Variants in PRMT1 observed in about 807,000 individuals in gnomAD.
PRMT1 encodes the protein protein arginine N-methyltransferase 1.
A neutral mutation model predicts 47.4 loss-of-function variants in PRMT1; 5 were observed. The ratio of observed to expected loss-of-function variants is 0.11; its 90% CI spans 0.06 to 0.22. PRMT1 has a LOEUF of 0.22. Among genes scored for constraint, PRMT1 ranks in the 10% least tolerant of loss-of-function variants. The probability of loss-of-function intolerance (pLI) is 1.00; values close to 1 mark genes in which losing one functional copy is unlikely to be tolerated. For missense variants in PRMT1, 249 were observed against 518.4 expected, an observed-to-expected ratio of 0.48 and a Z score of 5.05; for synonymous variants, 227 against 204.6, an observed-to-expected ratio of 1.11 and a Z score of -0.94.
At chr19:49,686,559 G>T (rs774111829) in intron 9 of PRMT1, 46 bp from the exon 10 acceptor site, 5 of 1,556,790 alleles carry the variant, frequency 3.2e-6, no homozygotes, top group Non-Finnish European at 3.5e-6. Flanking sequence ...GGGTGGGGTT[G>T]GGGGGGGCAG....
rs1208322725 is a variant in PRMT1, at chr19:49,684,867, G to T, written c.643+26G>T. ...GTGAGCGCGGCCCGGGAGCTGGCGG[G>T]CGGGGCCTCGGGTGGGCTGCTGCGG... On this transcript the variant is annotated intron_variant, in intron 7 of 10. Transcript: ENST00000454376. The surrounding 1 kb of genome is among the most constrained non-coding windows in gnomAD (Gnocchi z 6.2). 6.2e-6 allele frequency: 10 copies of T among 1,611,238 alleles called. No homozygotes were observed. The highest frequency in any genetic ancestry group is 8.5e-6 in the Non-Finnish European group (10 of 1,178,344).
Position 49,686,213 on chromosome 19 carries a change from C to G in PRMT1, c.880C>G (p.Arg294Gly). 2 of 1,610,126 alleles carry G rather than the reference C, an allele frequency of 1.2e-6. No individual in the cohort carries two copies. The highest frequency in any genetic ancestry group is 1.7e-6 in the Non-Finnish European group (2 of 1,178,184). The change falls in exon 9 of 11, where the codon CGC (arginine) becomes GGC (glycine). Residue 294 changes from arginine (R) to glycine (G), a missense_variant. Arg to Gly is a moderately radical substitution (Grantham distance 125, BLOSUM62 -2). This residue lies in a region of PRMT1 where 190 missense variants were observed against 456.7 expected (regional missense o/e 0.42). Transcript: ENST00000454376. ...GGCCTACTTCAACATCGAGTTCACA[C>G]GCTGCCACAAGAGGACCGGCTTCTC... ...LVAYFNIEFT[R>G]CHKRTGFSTS... is the part of the protein sequence containing the mutation.
chr19:49,685,592 GAGCCGGGTGA>G lies in PRMT1; in HGVS notation c.760-497_760-488del. The G allele has an allele frequency of 9.8e-7, 1 of 1,019,394 alleles. No individual in the cohort carries two copies. Among genetic ancestry groups the G allele is most frequent in the South Asian group, 3.8e-5 (1 of 26,448 alleles). The allele number at this position is 1,019,394 out of a possible 1,614,324, so 63.1% of individuals were successfully genotyped here. On this transcript the variant is annotated intron_variant, in intron 8 of 10. Transcript: ENST00000454376. This position sits in a 1 kb window ranked among gnomAD's most constrained non-coding sequence, Gnocchi z 4.7. ...GAGTATTTGTTGAGCTGGGATGTGT[GAGCCGGGTGA>G]AGCTGGGTGGCTGACCGGGGGATCC... is the stretch of plus-strand genomic sequence containing the variant.
At position 49,680,388 on chromosome 19, in the gene PRMT1, G is replaced by T; in HGVS notation, c.91-99G>T. The T allele has an allele frequency of 8.6e-7, 1 of 1,164,332 alleles. No individual in the cohort carries two copies. Among genetic ancestry groups the T allele is most frequent in the Non-Finnish European group, 1.3e-6 (1 of 781,886 alleles). 72.1% of individuals were successfully genotyped at this position (1,164,332 alleles called of 1,614,324 possible). A position where few individuals can be genotyped will look rare whatever the true frequency, so the allele number is the denominator to read the frequency against. On this transcript the variant is annotated intron_variant, in intron 2 of 10. Transcript: ENST00000454376. This position sits in a 1 kb window ranked among gnomAD's most constrained non-coding sequence, Gnocchi z 4.2. Reference sequence around the variant, plus strand: ...GGGTTGTCATGGTATGATTTTGGGGGTTCTATACTACTCTTCAGGGAAAAG... The same window carrying T: ...GGGTTGTCATGGTATGATTTTGGGGTTTCTATACTACTCTTCAGGGAAAAG...
chr19:49,683,789 A>C, intron 5 of PRMT1, 138 bp from the exon 6 acceptor site: 1 of 950,474 alleles, frequency 1.1e-6, no homozygotes, highest in Non-Finnish European at 1.6e-6. Context: ...GAATTTTAAA[A>C]CTGTTAGAAG....
At chr19:49,679,486 G>A in intron 1 of PRMT1, 1 of 511,462 alleles carries the variant, frequency 2.0e-6, no homozygotes, top group East Asian at 5.4e-5. Flanking sequence ...CCCTAGGATA[G>A]GGGTGTGTGT....
In PRMT1 at chr19:49,683,933, C is replaced by A. The variant is rs763152560; in HGVS notation, c.419C>A (p.Thr140Asn). ...VKANKLDHVV[T>N]IIKGKVEEVE... ...CACCCTTGTCCGCCCGCAGTGGTGA[C>A]CATCATCAAGGGGAAGGTGGAGGAG... Residue 140 changes from threonine (T) to asparagine (N), a missense_variant, in exon 6 of 11, where the codon ACC (threonine) becomes AAC (asparagine). Physicochemically the swap from Thr to Asn is moderately conservative, Grantham distance 65. This residue lies in a region of PRMT1 where 190 missense variants were observed against 456.7 expected (regional missense o/e 0.42). Transcript: ENST00000454376. 6.2e-7 allele frequency: 1 copy of A among 1,613,094 alleles called. No individual in the cohort carries two copies. Among genetic ancestry groups the A allele is most frequent in the South Asian group, 1.1e-5 (1 of 91,038 alleles).
Position 49,688,105 on chromosome 19 carries a change from G to A in PRMT1, c.1033-57G>A, listed in dbSNP as rs376391371. 32 of 1,468,144 alleles carry A rather than the reference G, an allele frequency of 2.2e-5. No individual in the cohort carries two copies. Among genetic ancestry groups the A allele is most frequent in the Admixed American group, 2.0e-4 (12 of 59,502 alleles). 90.9% of individuals were successfully genotyped at this position (1,468,144 alleles called of 1,614,324 possible). On this transcript the variant is annotated intron_variant, in intron 10 of 10. Transcript: ENST00000454376. The surrounding 1 kb of genome is among the most constrained non-coding windows in gnomAD (Gnocchi z 5.3). The stretch of plus-strand genomic sequence containing the variant: ...ATCGTCGCATAGCCTGCCTGCACCC[G>A]CCCCCCGCCACCACCTCCTGGTGGG...
chr19:49,685,849 G>T lies in PRMT1; in HGVS notation c.760-244G>T. On this transcript the variant is annotated intron_variant, in intron 8 of 10. Transcript: ENST00000454376. This position sits in a 1 kb window ranked among gnomAD's most constrained non-coding sequence, Gnocchi z 4.7. Reference sequence around the variant, plus strand: ...AGGAGGTCTGGACAGAGTTAGGGTGGCACTGCCAGGTTTGGGTGTTGGAGA... The same window carrying T: ...AGGAGGTCTGGACAGAGTTAGGGTGTCACTGCCAGGTTTGGGTGTTGGAGA... 1 of 1,363,320 alleles carries T rather than the reference G, an allele frequency of 7.3e-7. No individual in the cohort carries two copies. Among genetic ancestry groups the T allele is most frequent in the Non-Finnish European group, 9.5e-7 (1 of 1,057,098 alleles). The allele number at this position is 1,363,320 out of a possible 1,614,324, so 84.5% of individuals were successfully genotyped here. A position where few individuals can be genotyped will look rare whatever the true frequency, so the allele number is the denominator to read the frequency against.
chr19:49,681,882 C>T lies in PRMT1; in HGVS notation c.193-28C>T, dbSNP rs143736498. The T allele has an allele frequency of 2.1e-4, 330 of 1,597,926 alleles. No individual in the cohort carries two copies. In the East Asian group the frequency reaches 5.4e-3, roughly 26 times the overall value. On this transcript the variant is annotated intron_variant, in intron 3 of 10. Coordinates refer to ENST00000454376, the MANE Select transcript of PRMT1 (RefSeq NM_001536.6). The surrounding 1 kb of genome is among the most constrained non-coding windows in gnomAD (Gnocchi z 4.4). Reference sequence around the variant, plus strand: ...CCAGCTGGGGATATGGGGCCCCTCACGGCGTCTCTGTGCCATTCTTGCCCT... The same window carrying T: ...CCAGCTGGGGATATGGGGCCCCTCATGGCGTCTCTGTGCCATTCTTGCCCT...
rs1396596730 is a variant in PRMT1, at chr19:49,681,778, T to A, written c.193-132T>A. The A allele has an allele frequency of 1.7e-6, 1 of 603,104 alleles. No individual in the cohort carries two copies. The highest frequency in any genetic ancestry group is 1.9e-5 in the African/African-American group (1 of 51,904). 37.4% of individuals were successfully genotyped at this position (603,104 alleles called of 1,614,324 possible). On this transcript the variant is annotated intron_variant, in intron 3 of 10. Transcript: ENST00000454376. This position sits in a 1 kb window ranked among gnomAD's most constrained non-coding sequence, Gnocchi z 4.4. ...ATAAAAATAAATAAATGAATAAATA[T>A]AAAAGGGAAACTGAGGTGCATGGAA...
At chr19:49,687,721 C>T (rs756188449) in intron 10 of PRMT1, 6 of 215,574 alleles carry the variant, frequency 2.8e-5, no homozygotes, top group Admixed American at 4.9e-5. Context: ...GAGGAGTCCT[C>T]GGGCGTTGGT....
rs546807775 is a variant in PRMT1, at chr19:49,681,833, C to T, written c.193-77C>T. The T allele has an allele frequency of 4.7e-5, 69 of 1,475,840 alleles. No homozygotes were observed. Among genetic ancestry groups the T allele is most frequent in the African/African-American group, 2.7e-4 (19 of 71,472 alleles). 91.4% of individuals were successfully genotyped at this position (1,475,840 alleles called of 1,614,324 possible). On this transcript the variant is annotated intron_variant, in intron 3 of 10. Transcript: ENST00000454376. The surrounding 1 kb of genome is among the most constrained non-coding windows in gnomAD (Gnocchi z 4.4). ...GCGAGAGGGCCGAGCTCTGGCCCTC[C>T]GAGCTCTCAGGACACGCTGTTCTCC...
Position 49,686,074 on chromosome 19 carries a change from G to C in PRMT1, c.760-19G>C, listed in dbSNP as rs772439331. On this transcript the variant is annotated intron_variant, in intron 8 of 10. Transcript: ENST00000454376. ...GAGGTGGGGACGCATCCCGGAGCTC[G>C]CCCTCTCATGTCCTGCAGGAGGTGG... 1.1e-5 allele frequency: 17 copies of C among 1,607,592 alleles called. No homozygotes were observed. The South Asian group carries it at 1.9e-4, about 18-fold the overall frequency.
At position 49,685,395 on chromosome 19, in the gene PRMT1, T is replaced by C; in HGVS notation, c.759+358T>C. 1 of 1,223,288 alleles carries C rather than the reference T, an allele frequency of 8.2e-7. No individual in the cohort carries two copies. The highest frequency in any genetic ancestry group is 1.0e-6 in the Non-Finnish European group (1 of 967,838). 75.8% of individuals were successfully genotyped at this position (1,223,288 alleles called of 1,614,324 possible). ...CGGGGCCAGGCTGGGCTCCGAGATG[T>C]GCCTGAGGTCCCAGCTACTCGGGAG... On this transcript the variant is annotated intron_variant, in intron 8 of 10. Transcript: ENST00000454376. The surrounding 1 kb of genome is among the most constrained non-coding windows in gnomAD (Gnocchi z 4.7).
In PRMT1 at chr19:49,680,438, T is replaced by A; in HGVS notation, c.91-49T>A. On this transcript the variant is annotated intron_variant, in intron 2 of 10. Transcript: ENST00000454376. This position sits in a 1 kb window ranked among gnomAD's most constrained non-coding sequence, Gnocchi z 4.2. ...GTAGGGCGCTGGAGGTTTAAGAGGCTGTGGGGAGCCCCCAGATCTGACCCA... is the reference window on the plus strand; with the variant it reads ...GTAGGGCGCTGGAGGTTTAAGAGGCAGTGGGGAGCCCCCAGATCTGACCCA... 1 of 1,456,236 alleles carries A rather than the reference T, an allele frequency of 6.9e-7. No homozygotes were observed. Among genetic ancestry groups the A allele is most frequent in the South Asian group, 1.1e-5 (1 of 87,904 alleles). The allele number at this position is 1,456,236 out of a possible 1,614,324, so 90.2% of individuals were successfully genotyped here. A position where few individuals can be genotyped will look rare whatever the true frequency, so the allele number is the denominator to read the frequency against.
chr19:49,679,815 A>G, intron 1 of PRMT1, 57 bp from the exon 2 acceptor site: 1 of 1,416,070 alleles, frequency 7.1e-7, no homozygotes, highest in South Asian at 1.2e-5. Flanking sequence ...TCCGCCACCC[A>G]GCCCTCCCAC....
intron 5 of PRMT1, 78 bp downstream of exon 5, chr19:49,682,337 T>C: frequency 6.8e-7 from 1 of 1,463,652 alleles, no homozygotes; most frequent in East Asian, 2.3e-5. Context: ...TGAAGAGCAG[T>C]GGGGTCTACA....
chr19:49,687,714 G>T (rs2123021675), intron 10 of PRMT1: 1 of 210,454 alleles, frequency 4.8e-6, no homozygotes, highest in East Asian at 1.1e-4. Context: ...GAGGGAGGAG[G>T]AGTCCTCGGG....
Sources: gnomAD v4.1 joint callset for allele counts on GRCh38, gnomAD v4.1.1 for gene constraint, gnomAD v4.1.1 regional missense constraint, Gnocchi (gnomAD v3.1) non-coding constraint, MANE v1.5 for transcripts, NCBI Gene and HGNC (gene_info 2026-07-23, HGNC 2026-07-21) for gene names.